The following SLC14A2 variants were observed in gnomAD, a reference collection of about 807,000 sequenced individuals.
SLC14A2 encodes solute carrier family 14 member 2, also known as urea transporter 2.
In SLC14A2, 91 loss-of-function variants were observed where a neutral mutation model predicts 104.6. The ratio of observed to expected loss-of-function variants is 0.87; its 90% CI spans 0.73 to 1.04. SLC14A2 has a LOEUF of 1.04. Ranked by LOEUF, SLC14A2 falls within the 50% of genes least tolerant of loss-of-function variation. SLC14A2 has a pLI of 0.00. For synonymous variants in SLC14A2, 476 were observed against 466.4 expected, an observed-to-expected ratio of 1.02 and a Z score of -0.27; for missense variants, 1,189 against 1,156.0, an observed-to-expected ratio of 1.03 and a Z score of -0.41.
chr18:45,376,522 C>T (rs2085776688), intron 1 of SLC14A2, among the ~76,000 whole-genome samples: 1 of 152,126 alleles, frequency 6.6e-6, no homozygotes. Flanking sequence ...AAAAACTGCT[C>T]CTAGTCCCCA....
At chr18:45,291,719 C>G (rs1179703293) in intron 1 of SLC14A2, among the ~76,000 whole-genome samples, 1 of 152,070 alleles carries the variant, frequency 6.6e-6, no homozygotes. Flanking sequence ...ACGTTCCTCC[C>G]CCTGCCACAA....
chr18:45,254,510 A>C (rs1026001972), intron 1 of SLC14A2, among the ~76,000 whole-genome samples: 1 of 152,142 alleles, frequency 6.6e-6, no homozygotes, highest in Non-Finnish European at 1.5e-5. Context: ...AATATAAACC[A>C]TCCAACTGCA....
chr18:45,310,909 G>A (rs535702888), intron 1 of SLC14A2, among the ~76,000 whole-genome samples: 3 of 152,274 alleles, frequency 2.0e-5, no homozygotes, highest in South Asian at 4.1e-4. Flanking sequence ...CACAGAGATG[G>A]CAGTGGAAAT....
intron 10 of SLC14A2, among the ~76,000 whole-genome samples, chr18:45,663,430 T>C (rs1469029894): frequency 6.6e-6 from 1 of 152,218 alleles, no homozygotes; most frequent in East Asian, 1.9e-4. Flanking sequence ...GTTTTGGAAC[T>C]CCCTGCCACA....
chr18:45,426,468 A>G (rs2086428216), intron 1 of SLC14A2, among the ~76,000 whole-genome samples: 1 of 151,506 alleles, frequency 6.6e-6, no homozygotes, highest in Non-Finnish European at 1.5e-5. Context: ...TGTTTATTTA[A>G]AAAGTGATGT....
Position 45,639,791 on chromosome 18 carries a change from G to A in SLC14A2, c.889G>A (p.Asp297Asn). The A allele has an allele frequency of 6.2e-7, 1 of 1,614,032 alleles. No individual in the cohort carries two copies. Among genetic ancestry groups the A allele is most frequent in the South Asian group, 1.1e-5 (1 of 91,066 alleles). Residue 297 changes from aspartate to asparagine, a missense_variant, in exon 7 of 20, where the codon GAC (aspartate) becomes AAC (asparagine). Asp to Asn is a conservative substitution (Grantham distance 23). Transcript: ENST00000255226. The part of the protein sequence containing the change: ...PVGVGQVYGC[D>N]NPWTGGVFLV... The stretch of plus-strand genomic sequence containing the variant: ...TGGGGTCGGCCAGGTGTATGGCTGT[G>A]ACAATCCCTGGACAGGCGGCGTGTT...
At chr18:45,610,654 A>G (rs1170491430), upstream of SLC14A2, among the ~76,000 whole-genome samples, 1 of 152,216 alleles carries the variant, frequency 6.6e-6, no homozygotes, top group Non-Finnish European at 1.5e-5. Context: ...AGCTCTTGTC[A>G]ATAGACCAGC....
chr18:45,678,266 G>A (rs980431546), intron 18 of SLC14A2, among the ~76,000 whole-genome samples: 5 of 152,174 alleles, frequency 3.3e-5, no homozygotes, highest in African/African-American at 9.7e-5. Flanking sequence ...AAATGAAGAC[G>A]ATAATAGTGC....
intron 2 of SLC14A2, among the ~76,000 whole-genome samples, chr18:45,522,849 C>T (rs150896634): frequency 2.0e-5 from 3 of 152,230 alleles, no homozygotes; most frequent in African/African-American, 7.2e-5. Context: ...ACCAGCTATA[C>T]CCTGTTGCCT....
intron 10 of SLC14A2, among the ~76,000 whole-genome samples, chr18:45,656,758 C>T (rs995944570): frequency 4.6e-5 from 7 of 152,154 alleles, no homozygotes; most frequent in Non-Finnish European, 1.5e-5. Context: ...CTTATTTATG[C>T]TAATTAACGT....
chr18:45,610,047 A>C (rs1192488534), intron 2 of SLC14A2, among the ~76,000 whole-genome samples: 1 of 152,206 alleles, frequency 6.6e-6, no homozygotes, highest in Admixed American at 6.5e-5. Context: ...CTAAGCAAAA[A>C]TTGTAAAATA....
intron 1 of SLC14A2, among the ~76,000 whole-genome samples, chr18:45,452,122 T>A (rs932904391): frequency 2.0e-5 from 3 of 152,178 alleles, no homozygotes; most frequent in Non-Finnish European, 2.9e-5. Flanking sequence ...GATGTGTGTG[T>A]AAGAGACACT....
chr18:45,579,417 T>C (rs1478916001), intron 2 of SLC14A2, among the ~76,000 whole-genome samples: 1 of 152,210 alleles, frequency 6.6e-6, no homozygotes, highest in Non-Finnish European at 1.5e-5. Flanking sequence ...TCAATAGGGT[T>C]GGGGATGGTA....
At chr18:45,582,973 G>T (rs1568285472) in intron 2 of SLC14A2, among the ~76,000 whole-genome samples, 2 of 152,140 alleles carry the variant, frequency 1.3e-5, no homozygotes, top group Admixed American at 1.3e-4. Flanking sequence ...ACCCACCAGG[G>T]TCTAGCATCA....
At chr18:45,345,458 G>A (rs887900790) in intron 1 of SLC14A2, among the ~76,000 whole-genome samples, 11 of 152,102 alleles carry the variant, frequency 7.2e-5, no homozygotes, top group Non-Finnish European at 1.5e-4. Flanking sequence ...TGCCATGCAC[G>A]TGATGTCCTG....
intron 1 of SLC14A2, among the ~76,000 whole-genome samples, chr18:45,231,761 A>G (rs1209855267): frequency 6.6e-6 from 1 of 152,194 alleles, no homozygotes; most frequent in African/African-American, 2.4e-5. Flanking sequence ...CAGTTATGCT[A>G]TGCTATGGGG....
At chr18:45,404,540 C>T (rs2086132343) in intron 1 of SLC14A2, among the ~76,000 whole-genome samples, 1 of 152,152 alleles carries the variant, frequency 6.6e-6, no homozygotes, top group Non-Finnish European at 1.5e-5. Flanking sequence ...ATTCTCAAAT[C>T]TATCAGAATC....
chr18:45,293,183 T>G (rs898488454), intron 1 of SLC14A2, among the ~76,000 whole-genome samples: 1 of 152,182 alleles, frequency 6.6e-6, no homozygotes, highest in Non-Finnish European at 1.5e-5. Flanking sequence ...TGGAGAACCT[T>G]TTTTGACGTG....
At chr18:45,192,632 G>GGTTTTT in the SLC14A2 span, among the ~76,000 whole-genome samples, 21 of 107,872 alleles carry the variant, frequency 1.9e-4, 1 homozygote, top group South Asian at 2.9e-4. Flanking sequence ...GTGTGTGTGT[G>GGTTTTT]TGTGGTTTTT....
Sources: gnomAD v4.1 joint callset for allele counts (sites outside exome capture counted in the v4.1 genomes callset) on GRCh38, gnomAD v4.1.1 for gene constraint, MANE v1.5 for transcripts, NCBI Gene and HGNC (gene_info 2026-07-23, HGNC 2026-07-21) for gene names.